The following AP3S1 variants were observed in gnomAD, a reference collection of about 807,000 sequenced individuals.
AP3S1 encodes AP-3 complex subunit sigma-1.
Under a neutral mutation model 21.3 loss-of-function variants are expected in AP3S1, and 12 were observed. That is an observed-to-expected ratio of 0.56 (90% CI 0.36 to 0.91). The LOEUF (loss-of-function observed/expected upper bound fraction) is 0.91, where lower values mean the gene tolerates loss of function less well. AP3S1 is among the 40% of genes least tolerant of loss of function. The pLI is 0.01. For synonymous variants in AP3S1, 48 were observed against 78.4 expected, an observed-to-expected ratio of 0.61 and a Z score of 2.05; for missense variants, 116 against 225.0, an observed-to-expected ratio of 0.52 and a Z score of 3.10.
At chr5:115,894,309 A>G (rs1297144464) in intron 3 of AP3S1, among the ~76,000 whole-genome samples, 1 of 152,146 alleles carries the variant, frequency 6.6e-6, no homozygotes, top group East Asian at 1.9e-4. Context: ...TGCATGACTG[A>G]CCTTGGCTAC....
intron 1 of AP3S1, among the ~76,000 whole-genome samples, chr5:115,845,360 C>G (rs141655804): frequency 5.4e-4 from 82 of 152,292 alleles, no homozygotes; most frequent in African/African-American, 1.8e-3. Context: ...TTATCTCCCT[C>G]AAATATAACA....
chr5:115,876,125 A>G lies in AP3S1; in HGVS notation c.273+5997A>G, dbSNP rs187742708. ...TGGCTCTGTCACATAACAGTTATAT[A>G]ACTTTAGGCAATTACTTAACCTCAT... On this transcript the variant is annotated intron_variant, in intron 3 of 5. Transcript: ENST00000316788. Among the ~76,000 whole-genome samples the G allele has an allele frequency of 3.0e-4, 45 of 152,282 alleles. 2 individuals are homozygous for G. The highest frequency in any genetic ancestry group is 2.0e-3 in the Admixed American group (31 of 15,284).
chr5:115,909,611 G>A (rs1751933650), intron 5 of AP3S1, among the ~76,000 whole-genome samples: 1 of 152,088 alleles, frequency 6.6e-6, no homozygotes, highest in Admixed American at 6.6e-5. Context: ...ACCTGCCATG[G>A]TGGTGCTCAG....
intron 1 of AP3S1, among the ~76,000 whole-genome samples, chr5:115,851,445 A>T (rs898024954): frequency 1.8e-4 from 28 of 152,316 alleles, no homozygotes; most frequent in African/African-American, 6.5e-4. Flanking sequence ...CATTCCCACC[A>T]GCAATGCACA....
At chr5:115,896,261 A>G (rs1286540334) in intron 4 of AP3S1, among the ~76,000 whole-genome samples, 1 of 152,358 alleles carries the variant, frequency 6.6e-6, no homozygotes, top group Admixed American at 6.5e-5. Context: ...GTGAATGTCA[A>G]AAAAATACTT....
chr5:115,842,469 C>CCGCGCGGCTGCCTTCCTGCCG (rs1761671770), intron 1 of AP3S1: 1 of 186,930 alleles, frequency 5.3e-6, no homozygotes, highest in Admixed American at 6.2e-5. Flanking sequence ...AGAGCCCACC[C>CCGCGCGGCTGCCTTCCTGCCG]CGCGCGGCTG....
chr5:115,870,381 G>T (rs116519935), intron 3 of AP3S1, among the ~76,000 whole-genome samples: 1 of 152,048 alleles, frequency 6.6e-6, no homozygotes, highest in Non-Finnish European at 1.5e-5. Context: ...CTTAAGACTC[G>T]TGGGTTTCTT....
intron 3 of AP3S1, among the ~76,000 whole-genome samples, chr5:115,886,334 G>A (rs796732618): frequency 4.6e-5 from 7 of 151,918 alleles, no homozygotes; most frequent in African/African-American, 1.4e-4. Context: ...CCTGCCTCTC[G>A]TGCCTCCCAT....
intron 1 of AP3S1, among the ~76,000 whole-genome samples, chr5:115,844,500 T>G (rs890686844): frequency 2.6e-5 from 4 of 152,154 alleles, no homozygotes; most frequent in Non-Finnish European, 5.9e-5. Flanking sequence ...TGCAGATATC[T>G]GGGGGAAGAG....
At chr5:115,875,821 A>C (rs1245680258) in intron 3 of AP3S1, among the ~76,000 whole-genome samples, 1 of 152,098 alleles carries the variant, frequency 6.6e-6, no homozygotes, top group Non-Finnish European at 1.5e-5. Context: ...AGTTTTTTTA[A>C]AATAGTTTGG....
intron 4 of AP3S1, among the ~76,000 whole-genome samples, chr5:115,896,787 A>G (rs1444755217): frequency 6.6e-6 from 1 of 152,132 alleles, no homozygotes; most frequent in Non-Finnish European, 1.5e-5. Context: ...ATCAAAAAAG[A>G]AAAAAATTTA....
At chr5:115,913,144 A>G (rs1220737452) in intron 5 of AP3S1, among the ~76,000 whole-genome samples, 3 of 152,106 alleles carry the variant, frequency 2.0e-5, no homozygotes, top group Admixed American at 1.3e-4. Flanking sequence ...TTACATTGTT[A>G]TCATTGCATG....
intron 3 of AP3S1, among the ~76,000 whole-genome samples, chr5:115,881,012 A>G (rs1261264180): frequency 2.0e-5 from 3 of 150,812 alleles, no homozygotes; most frequent in Non-Finnish European, 2.9e-5. Flanking sequence ...GGAGACAAGG[A>G]TTGCAACCCC....
chr5:115,895,564 A>G (rs998383908), intron 4 of AP3S1, among the ~76,000 whole-genome samples: 5 of 152,194 alleles, frequency 3.3e-5, no homozygotes, highest in Admixed American at 2.0e-4. Flanking sequence ...CCTTTTTGTG[A>G]GGAGGGACTG....
At chr5:115,880,143 CA>C (rs1421037677) in intron 3 of AP3S1, among the ~76,000 whole-genome samples, 5 of 152,166 alleles carry the variant, frequency 3.3e-5, no homozygotes, top group African/African-American at 9.6e-5. Flanking sequence ...TTAGTCTTTT[CA>C]AAAAACCAGC....
chr5:115,906,839 C>T, intron 5 of AP3S1: 1 of 1,521,758 alleles, frequency 6.6e-7, no homozygotes, highest in Non-Finnish European at 8.8e-7. Context: ...CTTTCAGTCT[C>T]CCAGACAGGA....
chr5:115,886,075 C>T (rs962637987), intron 3 of AP3S1, among the ~76,000 whole-genome samples: 1 of 152,102 alleles, frequency 6.6e-6, no homozygotes, highest in African/African-American at 2.4e-5. Context: ...AGATTTGAAT[C>T]AGGACTCTAC....
rs765181403 is a variant in AP3S1, at chr5:115,906,814, C to T, written c.453+3822C>T. 4 of 1,508,648 alleles carry T rather than the reference C, an allele frequency of 2.7e-6. No individual in the cohort carries two copies. In the South Asian group the frequency reaches 3.8e-5, roughly 14 times the overall value. The allele number at this position is 1,508,648 out of a possible 1,614,324, so 93.5% of individuals were successfully genotyped here. ...TTTCTAGCTCTTTCCATTCTTCTCTCTTACAGACCTTTATCTTTCAGTCTC... is the reference window on the plus strand; with the variant it reads ...TTTCTAGCTCTTTCCATTCTTCTCTTTTACAGACCTTTATCTTTCAGTCTC... On this transcript the variant is annotated intron_variant, in intron 5 of 5. Transcript: ENST00000316788.
At chr5:115,879,533 T>C (rs1310603723) in intron 3 of AP3S1, among the ~76,000 whole-genome samples, 2 of 152,188 alleles carry the variant, frequency 1.3e-5, no homozygotes, top group Admixed American at 1.3e-4. Context: ...CAGCCTTGCA[T>C]CCCAGGGATG....
Sources: allele counts gnomAD v4.1 joint callset (sites outside exome capture counted in the v4.1 genomes callset), GRCh38; gene constraint gnomAD v4.1.1; transcripts MANE v1.5; gene names NCBI Gene and HGNC (gene_info 2026-07-23, HGNC 2026-07-21).